The following CTXND1 variants were observed in gnomAD, a reference collection of about 807,000 sequenced individuals.
The protein encoded by CTXND1 is cortexin domain-containing 1 protein.
chr15:80,204,172 ATATATAT>A (rs1567127621), intron 1 of CTXND1, among the ~76,000 whole-genome samples: 18 of 46,066 alleles, frequency 3.9e-4, no homozygotes, highest in East Asian at 1.5e-3. Flanking sequence ...AAAAAAAAAT[ATATATAT>A]ATATATATAT....
chr15:80,216,116 A>G (rs1209758246), intron 1 of CTXND1, among the ~76,000 whole-genome samples: 1 of 152,134 alleles, frequency 6.6e-6, no homozygotes, highest in Non-Finnish European at 1.5e-5. Flanking sequence ...GCATTTAAAG[A>G]TGTTTGTCTT....
chr15:80,215,430 C>G (rs990386208), intron 1 of CTXND1, among the ~76,000 whole-genome samples: 4 of 152,100 alleles, frequency 2.6e-5, no homozygotes, highest in African/African-American at 9.7e-5. Context: ...ACCAAAGAGC[C>G]GGTTTATTCA....
At chr15:80,226,665 G>A (rs1488732883) in intron 1 of CTXND1, among the ~76,000 whole-genome samples, 4 of 152,146 alleles carry the variant, frequency 2.6e-5, no homozygotes, top group African/African-American at 7.2e-5. Context: ...TGACCCTGGC[G>A]GCCTTCTGCT....
Position 80,250,931 on chromosome 15 carries a change from C to T in CTXND1, c.-218+1076G>A, listed in dbSNP as rs1274804851. 6.6e-5 allele frequency among the ~76,000 whole-genome samples: 10 copies of T among 152,266 alleles called. 1 individual carries two copies. The highest frequency in any genetic ancestry group is 1.9e-4 in the African/African-American group (8 of 41,540). On this transcript the variant is annotated intron_variant, in intron 1 of 2. Coordinates refer to ENST00000560778, the MANE Select transcript of CTXND1 (RefSeq NM_001352888.2). ...ATAGAAGACTTCAACTCCAGACCCT[C>T]GGAACTAGATCCCCTAGTTCACTGG...
At chr15:80,238,008 C>CAACAA (rs71455325) in intron 1 of CTXND1, among the ~76,000 whole-genome samples, 1 of 77,136 alleles carries the variant, frequency 1.3e-5, no homozygotes, top group African/African-American at 5.8e-5. Flanking sequence ...GACTCCATCT[C>CAACAA]AAAAAAAAAA....
At chr15:80,221,213 T>G (rs1319183299) in intron 1 of CTXND1, among the ~76,000 whole-genome samples, 2 of 152,148 alleles carry the variant, frequency 1.3e-5, no homozygotes, top group Admixed American at 1.3e-4. Flanking sequence ...CCAGCCTCTA[T>G]TATTAATTTA....
chr15:80,250,507 G>A (rs1893680918), intron 1 of CTXND1, among the ~76,000 whole-genome samples: 1 of 152,124 alleles, frequency 6.6e-6, no homozygotes, highest in African/African-American at 2.4e-5. Flanking sequence ...TTACTTGCAT[G>A]CCGTTCAAAA....
At position 80,243,947 on chromosome 15, in the gene CTXND1, T is replaced by C. The variant is rs533079958; in HGVS notation, c.-218+8060A>G. ...GAGACCAGGGGATGTTGGAGGAGTA[T>C]GATGCTCTGGGCCATCTGGAAGGCA... is the stretch of plus-strand genomic sequence containing the variant. On this transcript the variant is annotated intron_variant, in intron 1 of 2. Coordinates refer to ENST00000560778, the MANE Select transcript of CTXND1 (RefSeq NM_001352888.2). 2.0e-5 allele frequency among the ~76,000 whole-genome samples: 3 copies of C among 152,314 alleles called. No homozygotes were observed. The East Asian group carries it at 5.8e-4, about 29-fold the overall frequency.
At chr15:80,207,467 C>G (rs1409114475) in intron 1 of CTXND1, among the ~76,000 whole-genome samples, 1 of 152,154 alleles carries the variant, frequency 6.6e-6, no homozygotes, top group Non-Finnish European at 1.5e-5. Flanking sequence ...ATTTCCAGCC[C>G]TCCAGTGCCA....
intron 1 of CTXND1, among the ~76,000 whole-genome samples, chr15:80,240,440 A>G (rs553660375): frequency 2.0e-5 from 3 of 152,156 alleles, no homozygotes; most frequent in Non-Finnish European, 4.4e-5. Context: ...CCCCTGGCCA[A>G]TCTACAAGCC....
intron 1 of CTXND1, among the ~76,000 whole-genome samples, chr15:80,217,691 C>T (rs542020637): frequency 3.9e-5 from 6 of 151,900 alleles, no homozygotes; most frequent in African/African-American, 4.8e-5. Context: ...GGACTACAGG[C>T]GCACACCACC....
intron 1 of CTXND1, among the ~76,000 whole-genome samples, chr15:80,238,008 C>CAAAAAAAAAAAAAAAAAAA (rs57718635): frequency 1.3e-5 from 1 of 77,136 alleles, no homozygotes; most frequent in Non-Finnish European, 2.4e-5. Context: ...GACTCCATCT[C>CAAAAAAAAAAAAAAAAAAA]AAAAAAAAAA....
At chr15:80,209,433 G>A (rs1351857267) in intron 1 of CTXND1, among the ~76,000 whole-genome samples, 2 of 152,210 alleles carry the variant, frequency 1.3e-5, no homozygotes, top group Non-Finnish European at 2.9e-5. Flanking sequence ...CACTGAGCCT[G>A]TACGAGCCAA....
chr15:80,209,659 G>A (rs1281935242), intron 1 of CTXND1, among the ~76,000 whole-genome samples: 1 of 152,176 alleles, frequency 6.6e-6, no homozygotes, highest in Non-Finnish European at 1.5e-5. Context: ...ACACGATGAA[G>A]AATCCAAACA....
At chr15:80,204,079 C>T (rs1180989103) in intron 1 of CTXND1, among the ~76,000 whole-genome samples, 2 of 139,942 alleles carry the variant, frequency 1.4e-5, no homozygotes, top group African/African-American at 2.7e-5. Flanking sequence ...AAGAGAGTCA[C>T]TTGAACCCAG....
intron 1 of CTXND1, among the ~76,000 whole-genome samples, chr15:80,232,809 C>G (rs1228562300): frequency 6.6e-6 from 1 of 152,158 alleles, no homozygotes; most frequent in Non-Finnish European, 1.5e-5. Flanking sequence ...AAAGCCCTTC[C>G]CAAGTGAAAA....
chr15:80,211,553 G>A (rs1170085380), intron 1 of CTXND1, among the ~76,000 whole-genome samples: 1 of 152,126 alleles, frequency 6.6e-6, no homozygotes, highest in Non-Finnish European at 1.5e-5. Flanking sequence ...TCAGGGGGAG[G>A]TGATGAGTAT....
chr15:80,201,950 C>G lies in CTXND1; in HGVS notation c.-1G>C, dbSNP rs2041452123. The G allele has an allele frequency of 2.5e-6, 1 of 398,936 alleles. No homozygotes were observed. The highest frequency in any genetic ancestry group is 4.4e-6 in the Non-Finnish European group (1 of 226,298). The allele number at this position is 398,936 out of a possible 1,614,324, so 24.7% of individuals were successfully genotyped here. ...CGGGCTCGGGCGTGGGCTCCTCCAT[C>G]TCGCGGCAGCGACTGCGGGCTGCTC... On this transcript the variant is annotated 5_prime_UTR_variant, in exon 3 of 3. Coordinates refer to ENST00000560778, the MANE Select transcript of CTXND1 (RefSeq NM_001352888.2).
At chr15:80,218,455 A>G (rs1195717700) in intron 1 of CTXND1, among the ~76,000 whole-genome samples, 1 of 151,958 alleles carries the variant, frequency 6.6e-6, no homozygotes, top group East Asian at 1.9e-4. Context: ...CTTATTTCTT[A>G]TTGCATATAT....
Sources: allele counts gnomAD v4.1 joint callset (sites outside exome capture counted in the v4.1 genomes callset), GRCh38; gene constraint gnomAD v4.1.1; transcripts MANE v1.5; gene names NCBI Gene and HGNC (gene_info 2026-07-23, HGNC 2026-07-21).